The following MACROD2 variants were observed in gnomAD, a reference collection of about 807,000 sequenced individuals.
MACROD2 encodes the protein ADP-ribose glycohydrolase MACROD2.
In MACROD2, 36 loss-of-function variants were observed where a neutral mutation model predicts 70.4. The ratio of observed to expected loss-of-function variants is 0.51; its 90% CI spans 0.39 to 0.68. MACROD2 has a LOEUF of 0.68. MACROD2 is among the 30% of genes least tolerant of loss of function. The pLI is 0.00. For synonymous variants in MACROD2, 172 were observed against 178.8 expected (o/e 0.96, Z 0.30); for missense variants, 496 against 538.4 (o/e 0.92, Z 0.78).
chr20:14,870,123 C>T (rs900937286), intron 5 of MACROD2, among the ~76,000 whole-genome samples: 4 of 152,082 alleles, frequency 2.6e-5, no homozygotes, highest in Non-Finnish European at 5.9e-5. Context: ...CTCCGATATG[C>T]CACAGTGTGT....
At chr20:15,299,423 C>T (rs796344110) in intron 6 of MACROD2, among the ~76,000 whole-genome samples, 7 of 152,318 alleles carry the variant, frequency 4.6e-5, no homozygotes, top group African/African-American at 1.7e-4. Flanking sequence ...CAGATTGTGA[C>T]TGCTTCCTAA....
chr20:15,494,863 G>A (rs1312187323), intron 7 of MACROD2, among the ~76,000 whole-genome samples: 2 of 151,894 alleles, frequency 1.3e-5, no homozygotes, highest in African/African-American at 2.4e-5. Flanking sequence ...TATCGTATAA[G>A]TCAACTTTCA....
intron 10 of MACROD2, among the ~76,000 whole-genome samples, chr20:15,895,018 C>T (rs1318711146): frequency 6.6e-6 from 1 of 152,174 alleles, no homozygotes; most frequent in Non-Finnish European, 1.5e-5. Context: ...CTCTACCTCA[C>T]CAAATGATTC....
intron 3 of MACROD2, among the ~76,000 whole-genome samples, chr20:14,308,602 C>A (rs2082540039): frequency 6.6e-6 from 1 of 152,022 alleles, no homozygotes; most frequent in African/African-American, 2.4e-5. Flanking sequence ...ATGACTGAAC[C>A]CATCTTATAC....
At chr20:15,030,293 T>G (rs2075264724) in intron 5 of MACROD2, among the ~76,000 whole-genome samples, 1 of 152,090 alleles carries the variant, frequency 6.6e-6, no homozygotes. Flanking sequence ...AGACTCTGTC[T>G]CTACACAAAA....
intron 4 of MACROD2, among the ~76,000 whole-genome samples, chr20:14,642,233 T>C (rs1031417457): frequency 1.3e-5 from 2 of 152,180 alleles, no homozygotes; most frequent in Non-Finnish European, 2.9e-5. Flanking sequence ...TCAGACTTCA[T>C]AGAATAGAAG....
chr20:14,127,210 T>C (rs917391290), intron 3 of MACROD2, among the ~76,000 whole-genome samples: 3 of 152,218 alleles, frequency 2.0e-5, no homozygotes, highest in African/African-American at 7.2e-5. Context: ...TTTATTGGTC[T>C]GGATAGATGA....
At chr20:14,290,708 C>T (rs1733594621) in intron 3 of MACROD2, among the ~76,000 whole-genome samples, 1 of 152,146 alleles carries the variant, frequency 6.6e-6, no homozygotes, top group African/African-American at 2.4e-5. Context: ...AGGGTTTCTC[C>T]ATGTTGGTCA....
chr20:14,780,933 G>A (rs972854982), intron 5 of MACROD2, among the ~76,000 whole-genome samples: 4 of 152,110 alleles, frequency 2.6e-5, no homozygotes, highest in African/African-American at 7.2e-5. Flanking sequence ...TTGACAAATA[G>A]TAATTTTATT....
At chr20:14,806,139 G>A (rs1169185693) in intron 5 of MACROD2, among the ~76,000 whole-genome samples, 1 of 152,108 alleles carries the variant, frequency 6.6e-6, no homozygotes, top group Non-Finnish European at 1.5e-5. Context: ...GGATAAATGT[G>A]GCCATGAAAA....
intron 3 of MACROD2, among the ~76,000 whole-genome samples, chr20:14,301,689 T>G (rs2082476387): frequency 6.6e-6 from 1 of 152,234 alleles, no homozygotes; most frequent in Admixed American, 6.5e-5. Flanking sequence ...ATTCTACCAA[T>G]GATTTAAACT....
intron 8 of MACROD2, among the ~76,000 whole-genome samples, chr20:15,844,565 A>G (rs889542834): frequency 1.3e-5 from 2 of 152,158 alleles, no homozygotes; most frequent in Non-Finnish European, 2.9e-5. Context: ...AAGTGGTGAC[A>G]GTGGGATTTG....
intron 5 of MACROD2, among the ~76,000 whole-genome samples, chr20:15,149,666 G>A (rs888691071): frequency 1.3e-5 from 2 of 152,012 alleles, no homozygotes; most frequent in African/African-American, 2.4e-5. Flanking sequence ...GTGATTTTAA[G>A]GGCCTCTAAA....
At chr20:14,337,778 A>T (rs748678490) in intron 3 of MACROD2, among the ~76,000 whole-genome samples, 1 of 152,220 alleles carries the variant, frequency 6.6e-6, no homozygotes, top group Non-Finnish European at 1.5e-5. Context: ...AGCAGCCAAA[A>T]TGAAGCATCA....
chr20:14,624,224 A>C (rs1984001498), intron 4 of MACROD2, among the ~76,000 whole-genome samples: 1 of 152,168 alleles, frequency 6.6e-6, no homozygotes. Context: ...CAGCCTCTCC[A>C]AAGTAAAGGA....
intron 3 of MACROD2, among the ~76,000 whole-genome samples, chr20:14,108,096 C>G (rs984843160): frequency 6.6e-6 from 1 of 151,548 alleles, no homozygotes; most frequent in Non-Finnish European, 1.5e-5. Context: ...CAAAGAGGAA[C>G]AACAAAAAGT....
At chr20:14,696,837 T>C (rs1440899159) in intron 5 of MACROD2, among the ~76,000 whole-genome samples, 3 of 152,176 alleles carry the variant, frequency 2.0e-5, no homozygotes, top group African/African-American at 4.8e-5. Context: ...GTCTGCTTTC[T>C]GATATTATGG....
intron 15 of MACROD2, among the ~76,000 whole-genome samples, chr20:16,022,779 G>A (rs908236593): frequency 6.6e-6 from 1 of 152,160 alleles, no homozygotes; most frequent in East Asian, 1.9e-4. Context: ...TGTGATGTCC[G>A]TTGTTTCCTA....
chr20:15,592,245 T>A (rs2048690070), intron 8 of MACROD2, among the ~76,000 whole-genome samples: 1 of 152,244 alleles, frequency 6.6e-6, no homozygotes, highest in African/African-American at 2.4e-5. Context: ...AGTATTTCGA[T>A]CCTGGTACAT....
Sources: allele counts gnomAD v4.1 joint callset (sites outside exome capture counted in the v4.1 genomes callset), GRCh38; gene constraint gnomAD v4.1.1; transcripts MANE v1.5; gene names NCBI Gene and HGNC (gene_info 2026-07-23, HGNC 2026-07-21).